CDC20B: variants seen among roughly 807,000 people sequenced by gnomAD.
CDC20B encodes cell division cycle 20B.
In CDC20B, 58 loss-of-function variants were observed where a neutral mutation model predicts 64.1. The ratio of observed to expected loss-of-function variants is 0.90; its 90% CI spans 0.73 to 1.13. CDC20B has a LOEUF of 1.13. Among genes scored for constraint, CDC20B ranks in the 50% most tolerant of loss-of-function variants. CDC20B has a pLI of 0.00. For synonymous variants in CDC20B, 243 were observed against 230.6 expected (o/e 1.05, Z -0.49); for missense variants, 597 against 633.0 (o/e 0.94, Z 0.61).
At chr5:55,143,748 G>C (rs981270924) in intron 3 of CDC20B, 105 bp from the exon 4 acceptor site, 2 of 1,157,976 alleles carry the variant, frequency 1.7e-6, no homozygotes, top group African/African-American at 1.5e-5. Context: ...GAGTGAAAAA[G>C]CCCAGGCTCT....
intron 2 of CDC20B, chr5:55,166,341 A>G (rs571944776): frequency 2.0e-5 from 3 of 152,234 alleles, no homozygotes; most frequent in Non-Finnish European, 2.9e-5. Context: ...GGGTTTCTTC[A>G]CTTACATCTC....
intron 2 of CDC20B, chr5:55,164,551 A>G (rs886540658): frequency 6.1e-6 from 1 of 162,846 alleles, no homozygotes; most frequent in Non-Finnish European, 1.3e-5. Flanking sequence ...CAGAATACAC[A>G]GTGACCAATG....
rs1742569761 is a variant in CDC20B, at chr5:55,114,135, A to T, written c.*83T>A. 18 of 1,521,720 alleles carry T rather than the reference A, an allele frequency of 1.2e-5. No homozygotes were observed. The highest frequency in any genetic ancestry group is 1.5e-5 in the Non-Finnish European group (17 of 1,134,320). The allele number at this position is 1,521,720 out of a possible 1,614,324, so 94.3% of individuals were successfully genotyped here. On this transcript the variant is annotated 3_prime_UTR_variant, in exon 12 of 12. Transcript: ENST00000381375. The surrounding 1 kb of genome is among the most constrained non-coding windows in gnomAD (Gnocchi z 4.1). The stretch of plus-strand genomic sequence containing the variant: ...GAGTATTTCAACTTGTTTGATACTC[A>T]TAAAAACCCCATGGAGAAGACATAG...
intron 5 of CDC20B, among the ~76,000 whole-genome samples, chr5:55,134,128 C>T (rs910012835): frequency 6.6e-6 from 1 of 152,034 alleles, no homozygotes; most frequent in Non-Finnish European, 1.5e-5. Flanking sequence ...ATCTTTTGTT[C>T]AGTTCTCATC....
intron 2 of CDC20B, among the ~76,000 whole-genome samples, chr5:55,153,194 G>A (rs940064163): frequency 7.9e-5 from 11 of 139,700 alleles, no homozygotes; most frequent in African/African-American, 2.2e-4. Flanking sequence ...AGCCAAGATC[G>A]TGCTACTGCT....
At chr5:55,137,520 C>G in intron 5 of CDC20B, 1 of 456,474 alleles carries the variant, frequency 2.2e-6, no homozygotes, top group South Asian at 1.5e-5. Context: ...AGTTTAAGTT[C>G]CCTTAAAAGA....
intron 2 of CDC20B, among the ~76,000 whole-genome samples, chr5:55,156,100 A>G (rs1461274510): frequency 6.6e-6 from 1 of 152,220 alleles, no homozygotes; most frequent in Non-Finnish European, 1.5e-5. Context: ...GTGAATGAGG[A>G]GCAAAGGCAT....
Position 55,132,380 on chromosome 5 carries a change from T to C in CDC20B, c.697+1032A>G, listed in dbSNP as rs1376217129. ...AATCATAATCATCTGACCTACGGGC[T>C]AGTCCATCCTCTTTCAACTACCAGC... On this transcript the variant is annotated intron_variant, in intron 6 of 11. Coordinates refer to ENST00000381375, the MANE Select transcript of CDC20B (RefSeq NM_001170402.1). 3.3e-5 allele frequency among the ~76,000 whole-genome samples: 5 copies of C among 152,310 alleles called. No homozygotes were observed. The East Asian group carries it at 9.7e-4, about 29-fold the overall frequency.
chr5:55,145,825 C>T (rs534416363), intron 3 of CDC20B, among the ~76,000 whole-genome samples: 1 of 151,580 alleles, frequency 6.6e-6, no homozygotes, highest in African/African-American at 2.4e-5. Flanking sequence ...TCTCTTGCTT[C>T]CTTCCTCTTA....
chr5:55,148,437 G>A (rs1356864600), intron 2 of CDC20B, among the ~76,000 whole-genome samples: 1 of 152,194 alleles, frequency 6.6e-6, no homozygotes, highest in East Asian at 1.9e-4. Flanking sequence ...AAATCAGCCG[G>A]CCGTGGCGGC....
chr5:55,115,608 G>A (rs1186862061), intron 11 of CDC20B, among the ~76,000 whole-genome samples: 2 of 152,150 alleles, frequency 1.3e-5, no homozygotes, highest in Admixed American at 6.5e-5. Context: ...GAGGAAAGGA[G>A]GTCAGATATG....
intron 11 of CDC20B, among the ~76,000 whole-genome samples, chr5:55,119,183 T>G (rs1742696234): frequency 6.6e-6 from 1 of 152,190 alleles, no homozygotes; most frequent in Non-Finnish European, 1.5e-5. Context: ...ACCACCAGTT[T>G]TGTCTTCCTG....
chr5:55,125,060 C>CT, intron 8 of CDC20B, 32 bp from the exon 9 acceptor site: 1 of 1,555,378 alleles, frequency 6.4e-7, no homozygotes, highest in Non-Finnish European at 8.9e-7. Context: ...AAATTAAGCC[C>CT]TGTTGCTACA....
At chr5:55,132,701 C>T (rs1743061013) in intron 6 of CDC20B, among the ~76,000 whole-genome samples, 1 of 152,208 alleles carries the variant, frequency 6.6e-6, no homozygotes, top group South Asian at 2.1e-4. Flanking sequence ...TAGTCAACAA[C>T]TCCCAAAACA....
chr5:55,150,198 AG>A (rs1247801950), intron 2 of CDC20B, among the ~76,000 whole-genome samples: 1 of 152,220 alleles, frequency 6.6e-6, no homozygotes, highest in East Asian at 1.9e-4. Flanking sequence ...CTTCAATAAA[AG>A]AAATCTTTTT....
intron 8 of CDC20B, among the ~76,000 whole-genome samples, chr5:55,126,007 G>A (rs1332987991): frequency 1.3e-5 from 2 of 152,186 alleles, no homozygotes; most frequent in Non-Finnish European, 2.9e-5. Context: ...AGAGTAGTCT[G>A]AAAATGTTAG....
At chr5:55,170,860 TTC>T in intron 2 of CDC20B, 1 of 351,800 alleles carries the variant, frequency 2.8e-6, no homozygotes, top group Non-Finnish European at 5.8e-6. Flanking sequence ...AATGTATTAC[TTC>T]AAGACTATAA....
Position 55,160,243 on chromosome 5 carries a change from G to A in CDC20B, c.126+12345C>T, listed in dbSNP as rs148475851. 2.5e-5 allele frequency: 41 copies of A among 1,614,036 alleles called. No individual in the cohort carries two copies. The African/African-American group carries it at 5.1e-4, about 20-fold the overall frequency. On this transcript the variant is annotated intron_variant, in intron 2 of 11. Transcript: ENST00000381375. ...TAAAATGTTCCGGGCCCAGAGCAAAGGTATTTGCAGTTTTGCTGTCTATAG... is the reference window on the plus strand; with the variant it reads ...TAAAATGTTCCGGGCCCAGAGCAAAAGTATTTGCAGTTTTGCTGTCTATAG...
At chr5:55,131,256 A>T (rs2111836197) in intron 6 of CDC20B, among the ~76,000 whole-genome samples, 1 of 152,362 alleles carries the variant, frequency 6.6e-6, no homozygotes, top group South Asian at 2.1e-4. Flanking sequence ...TGTGATGTGT[A>T]CAATAGTAAC....
Sources: gnomAD v4.1 joint callset for allele counts (sites outside exome capture counted in the v4.1 genomes callset) on GRCh38, gnomAD v4.1.1 for gene constraint, Gnocchi (gnomAD v3.1) non-coding constraint, MANE v1.5 for transcripts, NCBI Gene and HGNC (gene_info 2026-07-23, HGNC 2026-07-21) for gene names.